Variants in CAST observed in about 807,000 individuals in gnomAD.
CAST encodes the protein MIR583 host.
Under a neutral mutation model 119.6 loss-of-function variants are expected in CAST, and 76 were observed. The observed-to-expected ratio is 0.64, with a 90% CI of 0.53 to 0.77. The LOEUF (loss-of-function observed/expected upper bound fraction) is 0.77. Among genes scored for constraint, CAST ranks in the 30% least tolerant of loss-of-function variants. The probability of loss-of-function intolerance (pLI) is 0.00; values close to 1 mark genes in which losing one functional copy is unlikely to be tolerated. For missense variants in CAST, 953 were observed against 946.5 expected (o/e 1.01, Z -0.09); for synonymous variants, 319 against 331.6 (o/e 0.96, Z 0.41).
chr5:96,249,496 C>T, the CAST span, among the ~76,000 whole-genome samples: 1 of 152,152 alleles, frequency 6.6e-6, no homozygotes, highest in Non-Finnish European at 1.5e-5. Flanking sequence ...TAGCTCAGTG[C>T]CCTGCACATA....
At chr5:96,380,261 C>T in the CAST span, among the ~76,000 whole-genome samples, 1 of 152,084 alleles carries the variant, frequency 6.6e-6, no homozygotes, top group Admixed American at 6.6e-5. Flanking sequence ...ATGCTTCACC[C>T]TTACATACTC....
chr5:96,632,101 G>C (rs1374571778), intron 1 of CAST, among the ~76,000 whole-genome samples: 3 of 151,500 alleles, frequency 2.0e-5, no homozygotes, highest in African/African-American at 7.3e-5. Flanking sequence ...TAATTATGTT[G>C]ATCACCTTTC....
chr5:95,968,465 T>C, the CAST span, among the ~76,000 whole-genome samples: 1 of 152,214 alleles, frequency 6.6e-6, no homozygotes, highest in East Asian at 1.9e-4. Flanking sequence ...TTACAGTTGA[T>C]ATATCTTTGT....
the CAST span, among the ~76,000 whole-genome samples, chr5:96,115,386 A>C: frequency 6.6e-6 from 1 of 152,184 alleles, no homozygotes; most frequent in African/African-American, 2.4e-5. Flanking sequence ...AGGCAAGGTG[A>C]TTGTTTATGG....
the CAST span, among the ~76,000 whole-genome samples, chr5:96,322,030 C>G: frequency 6.6e-6 from 1 of 152,266 alleles, no homozygotes; most frequent in South Asian, 2.1e-4. Context: ...AACTACAATC[C>G]TTTCAAACTG....
chr5:96,525,613 T>G (rs1451528055), upstream of CAST, among the ~76,000 whole-genome samples: 1 of 152,222 alleles, frequency 6.6e-6, no homozygotes, highest in Non-Finnish European at 1.5e-5. Flanking sequence ...ATCTATATGT[T>G]AAATACTTTT....
chr5:96,750,133 T>C (rs977614416), intron 19 of CAST, among the ~76,000 whole-genome samples: 22 of 152,208 alleles, frequency 1.4e-4, no homozygotes, highest in African/African-American at 5.3e-4. Context: ...ATAAATACAA[T>C]ATTTTACATA....
the CAST span, among the ~76,000 whole-genome samples, chr5:96,127,369 T>G: frequency 3.3e-5 from 5 of 152,226 alleles, no homozygotes; most frequent in African/African-American, 1.2e-4. Flanking sequence ...ACCTGATAAT[T>G]CAGACAGGTG....
the CAST span, among the ~76,000 whole-genome samples, chr5:96,411,778 C>T: frequency 6.6e-6 from 1 of 152,176 alleles, no homozygotes; most frequent in Non-Finnish European, 1.5e-5. Context: ...TTCCATTCAA[C>T]CTCAGACCCA....
chr5:96,530,131 A>C (rs1186459393), intron 1 of CAST, among the ~76,000 whole-genome samples: 2 of 152,080 alleles, frequency 1.3e-5, no homozygotes, highest in Non-Finnish European at 2.9e-5. Flanking sequence ...AAAGTTCTAT[A>C]AGGTTTAATA....
chr5:96,378,258 G>A, the CAST span, among the ~76,000 whole-genome samples: 1 of 152,056 alleles, frequency 6.6e-6, no homozygotes, highest in Non-Finnish European at 1.5e-5. Flanking sequence ...CGTACAGTGT[G>A]GTGACTACAG....
the CAST span, among the ~76,000 whole-genome samples, chr5:96,462,408 G>C: frequency 1.3e-5 from 2 of 152,024 alleles, no homozygotes; most frequent in Admixed American, 1.3e-4. Context: ...TACTTAAATA[G>C]TACCTCTCCT....
chr5:96,768,496 G>T, intron 29 of CAST: 1 of 409,548 alleles, frequency 2.4e-6, no homozygotes, highest in Non-Finnish European at 4.7e-6. Flanking sequence ...TTATTTTGTG[G>T]ATTTCCTTTT....
intron 1 of CAST, among the ~76,000 whole-genome samples, chr5:96,629,016 G>A (rs559590870): frequency 1.7e-4 from 26 of 151,954 alleles, no homozygotes; most frequent in Non-Finnish European, 2.2e-4. Flanking sequence ...CTCCATTTTC[G>A]TTCAGTTTCT....
At chr5:96,733,940 T>G (rs975355551) in intron 9 of CAST, among the ~76,000 whole-genome samples, 2 of 152,282 alleles carry the variant, frequency 1.3e-5, no homozygotes, top group Admixed American at 6.5e-5. Context: ...GCACTAGCTA[T>G]AGGCTGGCCT....
chr5:96,212,881 G>A, the CAST span, among the ~76,000 whole-genome samples: 1 of 152,132 alleles, frequency 6.6e-6, no homozygotes, highest in East Asian at 1.9e-4. Context: ...GCTTTTGGAG[G>A]CCAAGGTAGG....
At chr5:96,274,099 A>T in the CAST span, among the ~76,000 whole-genome samples, 1 of 144,146 alleles carries the variant, frequency 6.9e-6, no homozygotes, top group Non-Finnish European at 1.5e-5. Flanking sequence ...TAGAGCCCCA[A>T]TTTTTTTTTT....
In CAST at chr5:96,741,829, T is replaced by C. The variant is rs761123605; in HGVS notation, c.1098+249T>C. The C allele has an allele frequency of 1.4e-4, 55 of 391,878 alleles. 1 individual carries two copies. Among genetic ancestry groups the C allele is most frequent in the Non-Finnish European group, 2.4e-4 (51 of 213,116 alleles). The allele number at this position is 391,878 out of a possible 1,614,324, so 24.3% of individuals were successfully genotyped here. ...ATCATCTAAGACCATCTCACCATTA[T>C]GATACACAGAAGGGCAGAAACCAGA... On this transcript the variant is annotated intron_variant, in intron 15 of 31. Transcript: ENST00000675179.
chr5:96,322,206 A>G, the CAST span, among the ~76,000 whole-genome samples: 3 of 152,152 alleles, frequency 2.0e-5, no homozygotes, highest in African/African-American at 7.2e-5. Context: ...CAAGAATACA[A>G]GTAGAACCTC....
Sources: gnomAD v4.1 joint callset for allele counts (sites outside exome capture counted in the v4.1 genomes callset) on GRCh38, gnomAD v4.1.1 for gene constraint, MANE v1.5 for transcripts, NCBI Gene and HGNC (gene_info 2026-07-23, HGNC 2026-07-21) for gene names.